KIAA0232: variants seen among roughly 807,000 people sequenced by gnomAD.
KIAA0232 encodes uncharacterized protein KIAA0232.
A neutral mutation model predicts 122.0 loss-of-function variants in KIAA0232; 27 were observed. That is an observed-to-expected ratio of 0.22 (90% CI 0.16 to 0.31). The LOEUF (loss-of-function observed/expected upper bound fraction) is 0.31. KIAA0232 is among the 10% of genes least tolerant of loss of function. KIAA0232 has a pLI of 1.00. For missense variants in KIAA0232, 1,551 were observed against 1,634.2 expected, an observed-to-expected ratio of 0.95 and a Z score of 0.88; for synonymous variants, 613 against 587.6, an observed-to-expected ratio of 1.04 and a Z score of -0.63.
intron 8 of KIAA0232, among the ~76,000 whole-genome samples, chr4:6,873,147 C>T (rs568823142): frequency 6.8e-6 from 1 of 147,790 alleles, no homozygotes; most frequent in African/African-American, 2.7e-5. Flanking sequence ...ACATAATTCC[C>T]ACAAGAACCT....
At chr4:6,810,600 G>T (rs1229385315) in intron 2 of KIAA0232, among the ~76,000 whole-genome samples, 1 of 152,144 alleles carries the variant, frequency 6.6e-6, no homozygotes, top group South Asian at 2.1e-4. Context: ...AAACCAAAAA[G>T]CTTCAGCAGA....
rs1316257393 is a variant in KIAA0232 at position 6,838,162 on chromosome 4, TAGTA to T, written c.232-3900_232-3897del. ...CCATTCTAAAAGATCTTACCCGAAC[TAGTA>T]AGTATGAGGGTAACAAAGATAGCTT... On this transcript the variant is annotated intron_variant, in intron 3 of 9. Coordinates refer to ENST00000307659, the MANE Select transcript of KIAA0232 (RefSeq NM_014743.3). Among the ~76,000 whole-genome samples the T allele has an allele frequency of 2.0e-5, 3 of 151,314 alleles. No homozygotes were observed. In the East Asian group the frequency reaches 5.8e-4, roughly 29 times the overall value.
At chr4:6,864,216 G>C in intron 7 of KIAA0232, 33 bp downstream of exon 7, 1 of 1,561,600 alleles carries the variant, frequency 6.4e-7, no homozygotes, top group Non-Finnish European at 8.7e-7. Context: ...TTGACAAAAG[G>C]ATTTGATCAG....
Position 6,863,660 on chromosome 4 carries a change from A to G in KIAA0232, c.3278A>G (p.Asp1093Gly). The change falls in exon 7 of 10, where the codon GAC (aspartate) becomes GGC (glycine). Residue 1093 changes from aspartate (D) to glycine (G), a missense_variant. By Grantham distance (94) the Asp-to-Gly change is moderately conservative. Coordinates refer to ENST00000307659, the MANE Select transcript of KIAA0232 (RefSeq NM_014743.3). Reference sequence around the variant, plus strand: ...TTTCACCCCAGGATATGTGGTGTTGACAGAACACAATACAGGGCTATTCGG... The same window carrying G: ...TTTCACCCCAGGATATGTGGTGTTGGCAGAACACAATACAGGGCTATTCGG... Reference protein sequence around the residue: ...EVFHPRICGVDRTQYRAIRIS... With the variant: ...EVFHPRICGVGRTQYRAIRIS... 1 of 1,614,178 alleles carries G rather than the reference A, an allele frequency of 6.2e-7. No individual in the cohort carries two copies. The highest frequency in any genetic ancestry group is 8.5e-7 in the Non-Finnish European group (1 of 1,180,032).
intron 4 of KIAA0232, among the ~76,000 whole-genome samples, chr4:6,849,075 A>G (rs1720130477): frequency 6.6e-6 from 1 of 152,234 alleles, no homozygotes; most frequent in African/African-American, 2.4e-5. Flanking sequence ...CTTACTTGCC[A>G]ATCAGATGCT....
At chr4:6,788,578 C>G (rs1446098324) in intron 1 of KIAA0232, among the ~76,000 whole-genome samples, 2 of 152,168 alleles carry the variant, frequency 1.3e-5, no homozygotes, top group East Asian at 3.8e-4. Flanking sequence ...GAAGGTCTTT[C>G]CTGGATTATA....
chr4:6,844,462 G>A (rs1016308172), intron 4 of KIAA0232, among the ~76,000 whole-genome samples: 2 of 149,606 alleles, frequency 1.3e-5, no homozygotes, highest in African/African-American at 4.9e-5. Context: ...TTTTTGAGAC[G>A]ACAGAGTCTT....
chr4:6,836,546 CTTT>C (rs1173281370), intron 3 of KIAA0232, among the ~76,000 whole-genome samples: 43 of 82,098 alleles, frequency 5.2e-4, no homozygotes, highest in African/African-American at 1.7e-3. Flanking sequence ...TTTTTCTTTT[CTTT>C]TTTTTTTTTT....
intron 3 of KIAA0232, among the ~76,000 whole-genome samples, chr4:6,826,945 G>C (rs1718715974): frequency 6.6e-6 from 1 of 152,114 alleles, no homozygotes; most frequent in South Asian, 2.1e-4. Context: ...GGGGGTTGTG[G>C]TCAGAGATAA....
chr4:6,859,545 A>G (rs964898412), intron 6 of KIAA0232, among the ~76,000 whole-genome samples: 2 of 152,246 alleles, frequency 1.3e-5, no homozygotes, highest in Admixed American at 1.3e-4. Flanking sequence ...TACATGTTGA[A>G]ATGATAATAT....
At position 6,858,587 on chromosome 4, in the gene KIAA0232, T is replaced by C. The variant is rs375447904; in HGVS notation, c.518+81T>C. 1.7e-5 allele frequency: 15 copies of C among 873,760 alleles called. No homozygotes were observed. The African/African-American group carries it at 2.5e-4, about 14-fold the overall frequency. The allele number at this position is 873,760 out of a possible 1,614,324, so 54.1% of individuals were successfully genotyped here. On this transcript the variant is annotated intron_variant, in intron 6 of 9. Coordinates refer to ENST00000307659, the MANE Select transcript of KIAA0232 (RefSeq NM_014743.3). ...ACTGCTACATGGTTTCCGTTTTCTG[T>C]TTGTCATCTTGTTTAGTTTCATTAT...
At chr4:6,850,114 G>A (rs1178187396) in intron 4 of KIAA0232, among the ~76,000 whole-genome samples, 1 of 152,220 alleles carries the variant, frequency 6.6e-6, no homozygotes, top group African/African-American at 2.4e-5. Flanking sequence ...AGAAGTGGAA[G>A]GGGCTGCTGT....
chr4:6,877,327 C>T (rs1317954258), intron 9 of KIAA0232, among the ~76,000 whole-genome samples: 1 of 152,206 alleles, frequency 6.6e-6, no homozygotes, highest in East Asian at 1.9e-4. Context: ...ACCACGAAGG[C>T]GGGAGCGGGG....
At chr4:6,831,053 T>G (rs1397754959) in intron 3 of KIAA0232, among the ~76,000 whole-genome samples, 1 of 151,804 alleles carries the variant, frequency 6.6e-6, no homozygotes, top group Admixed American at 6.6e-5. Flanking sequence ...TTTTTAAAAT[T>G]TATTTATTTA....
At chr4:6,876,108 C>T (rs771878889) in intron 8 of KIAA0232, among the ~76,000 whole-genome samples, 8 of 152,148 alleles carry the variant, frequency 5.3e-5, no homozygotes, top group South Asian at 2.1e-4. Context: ...CTGATGGAAT[C>T]GCTAGCACCA....
At chr4:6,817,536 G>A (rs1023555062) in intron 2 of KIAA0232, among the ~76,000 whole-genome samples, 1 of 152,140 alleles carries the variant, frequency 6.6e-6, no homozygotes, top group Admixed American at 6.5e-5. Flanking sequence ...TTAGAAATAT[G>A]TTTTTAGTTC....
intron 9 of KIAA0232, among the ~76,000 whole-genome samples, chr4:6,878,086 T>C (rs1462368768): frequency 6.6e-6 from 1 of 152,176 alleles, no homozygotes; most frequent in Non-Finnish European, 1.5e-5. Context: ...TCAATAAATC[T>C]TATGTCAGCC....
chr4:6,791,973 A>G (rs1008727148), intron 1 of KIAA0232, among the ~76,000 whole-genome samples: 1 of 152,134 alleles, frequency 6.6e-6, no homozygotes, highest in Admixed American at 6.5e-5. Context: ...TGATGGTTTT[A>G]AAAAGGGGAG....
rs1413381399 is a variant in KIAA0232, at chr4:6,878,226, T to G, written c.4008+1469T>G. ...CCCATCTCTACTAAAAATACAAAAA[T>G]TAGCCGGGCGTGATGGTGCACCCCT... is the stretch of plus-strand genomic sequence containing the variant. On this transcript the variant is annotated intron_variant, in intron 9 of 9. Coordinates refer to ENST00000307659, the MANE Select transcript of KIAA0232 (RefSeq NM_014743.3). Among the ~76,000 whole-genome samples the G allele has an allele frequency of 7.9e-5, 12 of 152,034 alleles. 1 individual carries two copies. Among genetic ancestry groups the G allele is most frequent in the Non-Finnish European group, 1.6e-4 (11 of 68,004 alleles).
Sources: gnomAD v4.1 joint callset for allele counts (sites outside exome capture counted in the v4.1 genomes callset) on GRCh38, gnomAD v4.1.1 for gene constraint, MANE v1.5 for transcripts, NCBI Gene and HGNC (gene_info 2026-07-23, HGNC 2026-07-21) for gene names.